The following SFI1 variants were observed in gnomAD, a reference collection of about 807,000 sequenced individuals.
SFI1 encodes SFI1 centrin binding protein.
A neutral mutation model predicts 207.5 loss-of-function variants in SFI1; 195 were observed. The ratio of observed to expected loss-of-function variants is 0.94; its 90% CI spans 0.84 to 1.06. The LOEUF (loss-of-function observed/expected upper bound fraction) is 1.06, where lower values mean the gene tolerates loss of function less well. Ranked by LOEUF, SFI1 falls within the 50% of genes least tolerant of loss-of-function variation. The probability of loss-of-function intolerance (pLI) is 0.00; values close to 1 mark genes in which losing one functional copy is unlikely to be tolerated. For missense variants in SFI1, 1,634 were observed against 1,588.0 expected (o/e 1.03, Z -0.49); for synonymous variants, 630 against 598.9 (o/e 1.05, Z -0.76).
chr22:31,501,106 T>A (rs1324449813), intron 1 of SFI1, among the ~76,000 whole-genome samples: 1 of 151,904 alleles, frequency 6.6e-6, no homozygotes, highest in Non-Finnish European at 1.5e-5. Context: ...CAAATATTTT[T>A]AAATTAAGGT....
chr22:31,545,456 T>C (rs2059979029), intron 4 of SFI1, among the ~76,000 whole-genome samples: 1 of 152,274 alleles, frequency 6.6e-6, no homozygotes, highest in East Asian at 1.9e-4. Context: ...TGAGGATTAC[T>C]TGAGCCCAAG....
intron 10 of SFI1, among the ~76,000 whole-genome samples, chr22:31,577,130 A>G (rs2063607192): frequency 6.6e-6 from 1 of 152,252 alleles, no homozygotes; most frequent in African/African-American, 2.4e-5. Flanking sequence ...GGAAATAGAC[A>G]TGAAAATATG....
intron 2 of SFI1, chr22:31,521,418 G>A: frequency 6.1e-6 from 1 of 163,218 alleles, no homozygotes. Context: ...AAGGATGGCT[G>A]CACTGTTCAC....
intron 28 of SFI1, 50 bp downstream of exon 28, chr22:31,614,910 C>A (rs985580198): frequency 1.2e-6 from 2 of 1,603,094 alleles, no homozygotes; most frequent in Non-Finnish European, 1.7e-6. Flanking sequence ...GGTCAGGGGT[C>A]CCCAAAGGCA....
At chr22:31,558,882 T>G (rs1048506921) in intron 7 of SFI1, among the ~76,000 whole-genome samples, 6 of 152,154 alleles carry the variant, frequency 3.9e-5, no homozygotes, top group Non-Finnish European at 8.8e-5. Context: ...CATGGCACAA[T>G]CTTGGCTGAC....
chr22:31,588,685 C>T (rs1391300610), intron 14 of SFI1, among the ~76,000 whole-genome samples: 6 of 151,896 alleles, frequency 4.0e-5, no homozygotes, highest in African/African-American at 7.3e-5. Context: ...TGGTGGCGCA[C>T]GCCTGTAGTC....
intron 2 of SFI1, among the ~76,000 whole-genome samples, chr22:31,510,551 A>T (rs191722125): frequency 2.0e-5 from 3 of 152,078 alleles, no homozygotes; most frequent in Non-Finnish European, 4.4e-5. Flanking sequence ...CTCCTGCCTC[A>T]GCCTCCCGAG....
At position 31,614,407 on chromosome 22, in the gene SFI1, G is replaced by A. The variant is rs56120047; in HGVS notation, c.2997-382G>A. 1,152 of 400,514 alleles carry A rather than the reference G, an allele frequency of 2.9e-3. 15 individuals carry two copies. Among genetic ancestry groups the A allele is most frequent in the South Asian group, 9.8e-3 (485 of 49,466 alleles). The allele number at this position is 400,514 out of a possible 1,614,324, so 24.8% of individuals were successfully genotyped here. On this transcript the variant is annotated intron_variant, in intron 27 of 32. Transcript: ENST00000400288. ...TACCCGAGAGCCTTGGGCCTCGGGGGAGATGTCAGGTGGGTGCATGGGGCC... is the reference window on the plus strand; with the variant it reads ...TACCCGAGAGCCTTGGGCCTCGGGGAAGATGTCAGGTGGGTGCATGGGGCC...
intron 4 of SFI1, among the ~76,000 whole-genome samples, chr22:31,545,579 A>ATTTTATTTTATTTT (rs1569269363): frequency 7.7e-5 from 7 of 91,090 alleles, no homozygotes; most frequent in Non-Finnish European, 1.2e-4. Context: ...AATTTAATTT[A>ATTTTATTTTATTTT]ATTTAATTTT....
chr22:31,538,296 C>A (rs1387495289), intron 4 of SFI1: 2 of 146,278 alleles, frequency 1.4e-5, no homozygotes, highest in African/African-American at 5.0e-5. Flanking sequence ...AGTACAATTT[C>A]CATTTTATTT....
chr22:31,533,581 A>C (rs894564302), intron 4 of SFI1, among the ~76,000 whole-genome samples: 2 of 150,992 alleles, frequency 1.3e-5, no homozygotes, highest in African/African-American at 2.4e-5. Context: ...AAAGAAACAA[A>C]AAAAAAAAGA....
rs371522658 is a variant in SFI1 at position 31,528,802 on chromosome 22, G to A, written c.205G>A (p.Val69Met). Reference protein sequence around the residue: ...RRELPSTSHLVQYRGTHTCTR... With the variant: ...RRELPSTSHLMQYRGTHTCTR... ...GGAGTTACCTAGTACCAGTCATCTAGTGCAGTATCGTGGCACACATACTTG... is the reference window on the plus strand; with the variant it reads ...GGAGTTACCTAGTACCAGTCATCTAATGCAGTATCGTGGCACACATACTTG... The change falls in exon 3 of 33, where the codon GTG (valine) becomes ATG (methionine). Residue 69 changes from valine to methionine, a missense_variant. Coordinates refer to ENST00000400288, the MANE Select transcript of SFI1 (RefSeq NM_001007467.3). The A allele has an allele frequency of 6.2e-7, 1 of 1,614,156 alleles. No individual in the cohort carries two copies. Among genetic ancestry groups the A allele is most frequent in the Non-Finnish European group, 8.5e-7 (1 of 1,180,010 alleles).
chr22:31,527,148 C>T (rs892886965), intron 2 of SFI1, among the ~76,000 whole-genome samples: 2 of 152,152 alleles, frequency 1.3e-5, no homozygotes, highest in African/African-American at 2.4e-5. Flanking sequence ...CCTCCCGCCT[C>T]GGCCTCTCAA....
intron 1 of SFI1, among the ~76,000 whole-genome samples, chr22:31,500,173 G>C (rs1025330632): frequency 6.7e-6 from 1 of 149,526 alleles, no homozygotes; most frequent in Non-Finnish European, 1.5e-5. Flanking sequence ...ATAAAAGCCA[G>C]TTGTGGTGGC....
intron 7 of SFI1, among the ~76,000 whole-genome samples, chr22:31,560,592 G>A (rs1341515727): frequency 1.3e-5 from 2 of 151,512 alleles, no homozygotes; most frequent in African/African-American, 4.9e-5. Flanking sequence ...TAGTAGAGAC[G>A]GGGTTTCACC....
chr22:31,514,726 T>C (rs1569185615), intron 2 of SFI1, among the ~76,000 whole-genome samples: 1 of 151,908 alleles, frequency 6.6e-6, no homozygotes, highest in Non-Finnish European at 1.5e-5. Context: ...CTTAATATAA[T>C]GTTCTCCATT....
rs536921651 is a variant in SFI1 at position 31,589,809 on chromosome 22, A to G, written c.1544+232A>G. ...TTATTTATTTTTTTTGTGTGTGTGTATATATGTATTTATTAAAAAAAATGT... is the reference window on the plus strand; with the variant it reads ...TTATTTATTTTTTTTGTGTGTGTGTGTATATGTATTTATTAAAAAAAATGT... On this transcript the variant is annotated intron_variant, in intron 15 of 32. Coordinates refer to ENST00000400288, the MANE Select transcript of SFI1 (RefSeq NM_001007467.3). 4.2e-4 allele frequency among the ~76,000 whole-genome samples: 62 copies of G among 149,236 alleles called. 1 individual carries two copies. Among genetic ancestry groups the G allele is most frequent in the South Asian group, 1.9e-3 (9 of 4,690 alleles).
At chr22:31,571,966 A>G (rs1409106738) in intron 8 of SFI1, among the ~76,000 whole-genome samples, 1 of 152,054 alleles carries the variant, frequency 6.6e-6, no homozygotes, top group Non-Finnish European at 1.5e-5. Context: ...ATCTATAGAG[A>G]GTGAAAACTG....
At chr22:31,564,306 G>A (rs1220086015) in intron 8 of SFI1, among the ~76,000 whole-genome samples, 4 of 139,240 alleles carry the variant, frequency 2.9e-5, no homozygotes, top group Non-Finnish European at 3.0e-5. Context: ...CAGCCTGGGC[G>A]ACAGAGCAAG....
Sources: allele counts gnomAD v4.1 joint callset (sites outside exome capture counted in the v4.1 genomes callset), GRCh38; gene constraint gnomAD v4.1.1; transcripts MANE v1.5; gene names NCBI Gene and HGNC (gene_info 2026-07-23, HGNC 2026-07-21).